Variants in SAFB observed in about 807,000 individuals in gnomAD.
SAFB encodes scaffold attachment factor B1.
SAFB carries 15 observed loss-of-function variants against 101.6 expected under a neutral mutation model. The ratio of observed to expected loss-of-function variants is 0.15; its 90% CI spans 0.10 to 0.23. The LOEUF (loss-of-function observed/expected upper bound fraction) is 0.23. SAFB is among the 10% of genes least tolerant of loss of function. The pLI, the probability that SAFB is intolerant of heterozygous loss-of-function variation, is 1.00. For missense variants in SAFB, 930 were observed against 1,104.1 expected, an observed-to-expected ratio of 0.84 and a Z score of 2.23; for synonymous variants, 449 against 407.5, an observed-to-expected ratio of 1.10 and a Z score of -1.23.
intron 17 of SAFB, 150 bp downstream of exon 17, chr19:5,664,589 A>G (rs1300929817): frequency 1.5e-6 from 1 of 655,506 alleles, no homozygotes; most frequent in Non-Finnish European, 2.7e-6. Context: ...GGTTTGTGGA[A>G]TGGAAATTTG....
intron 15 of SAFB, among the ~76,000 whole-genome samples, chr19:5,662,704 G>C (rs374870181): frequency 6.7e-6 from 1 of 149,126 alleles, no homozygotes; most frequent in Non-Finnish European, 1.5e-5. Flanking sequence ...GCAATGGCGC[G>C]ATCGCTGCTC....
intron 5 of SAFB, among the ~76,000 whole-genome samples, chr19:5,646,000 AG>A (rs1205882117): frequency 1.3e-5 from 2 of 152,114 alleles, no homozygotes; most frequent in African/African-American, 2.4e-5. Flanking sequence ...AGAACAGATG[AG>A]TTGAGAATTT....
At chr19:5,642,654 T>TC (rs1568260467) in intron 4 of SAFB, among the ~76,000 whole-genome samples, 1 of 111,482 alleles carries the variant, frequency 9.0e-6, no homozygotes, top group African/African-American at 3.3e-5. Flanking sequence ...TTCCTTTCTT[T>TC]TTTTTTTTTT....
intron 2 of SAFB, among the ~76,000 whole-genome samples, chr19:5,641,192 T>TA (rs1212512025): frequency 6.6e-6 from 1 of 152,198 alleles, no homozygotes; most frequent in East Asian, 1.9e-4. Context: ...TTTTAAGCAT[T>TA]AAAAATGTGC....
intron 2 of SAFB, 144 bp from the exon 3 acceptor site, chr19:5,641,450 C>T (rs969974947): frequency 7.3e-6 from 5 of 680,458 alleles, no homozygotes; most frequent in Non-Finnish European, 1.1e-5. Flanking sequence ...GCGGAATGGC[C>T]TCATTCCTGG....
At chr19:5,643,713 C>T (rs1040543604) in intron 4 of SAFB, among the ~76,000 whole-genome samples, 2 of 151,978 alleles carry the variant, frequency 1.3e-5, no homozygotes, top group Non-Finnish European at 2.9e-5. Flanking sequence ...GGTGCGGTGG[C>T]TTGGCTGGGC....
rs1233825873 is a variant in SAFB at position 5,668,414 on chromosome 19, AT to A, written c.*126del. ...CATATTGTAGCTCAATACAATGTGA[AT>A]TTGTTTTTCGTTTTGGGGTTTTTTT... On this transcript the variant is annotated 3_prime_UTR_variant, in exon 21 of 21. Transcript: ENST00000588852. 19 of 1,122,470 alleles carry A rather than the reference AT, an allele frequency of 1.7e-5. No homozygotes were observed. The highest frequency in any genetic ancestry group is 2.3e-5 in the Non-Finnish European group (19 of 822,910). 69.5% of individuals were successfully genotyped at this position (1,122,470 alleles called of 1,614,324 possible). A position where few individuals can be genotyped will look rare whatever the true frequency, so the allele number is the denominator to read the frequency against.
In SAFB at chr19:5,667,783, C is replaced by T. The variant is rs750538893; in HGVS notation, c.2558-37C>T. 6.2e-6 allele frequency: 10 copies of T among 1,609,690 alleles called. No individual in the cohort carries two copies. The highest frequency in any genetic ancestry group is 1.1e-5 in the South Asian group (1 of 90,904). ...TGTGCCGTGGGTTCCACGCCGTGTGCGCAAGTTCCCTGTGTGAAAGCACGT... is the reference window on the plus strand; with the variant it reads ...TGTGCCGTGGGTTCCACGCCGTGTGTGCAAGTTCCCTGTGTGAAAGCACGT... On this transcript the variant is annotated intron_variant, in intron 19 of 20. Transcript: ENST00000588852. This position sits in a 1 kb window ranked among gnomAD's most constrained non-coding sequence, Gnocchi z 4.0.
chr19:5,654,206 C>G lies in SAFB; in HGVS notation c.1666+6C>G. 6.2e-7 allele frequency: 1 copy of G among 1,614,098 alleles called. No individual in the cohort carries two copies. Among genetic ancestry groups the G allele is most frequent in the Non-Finnish European group, 8.5e-7 (1 of 1,179,980 alleles). ...ATCTCGAGCCACAAAGTCAGGTGGG[C>G]AGCTCATGAGCCCAGGAGATTCTGT... On this transcript the variant is annotated splice_donor_region_variant and intron_variant, in intron 12 of 20. Coordinates refer to ENST00000588852, the MANE Select transcript of SAFB (RefSeq NM_001201338.2).
At chr19:5,654,579 A>G in intron 13 of SAFB, 123 bp downstream of exon 13, 2 of 720,740 alleles carry the variant, frequency 2.8e-6, no homozygotes, top group African/African-American at 1.8e-5. Flanking sequence ...TCGAAAATGT[A>G]GAAATCTCAA....
chr19:5,663,386 G>A (rs576481842), intron 15 of SAFB, among the ~76,000 whole-genome samples: 11 of 152,372 alleles, frequency 7.2e-5, no homozygotes, highest in African/African-American at 2.4e-4. Flanking sequence ...GGAGTCAGGT[G>A]TGTAATTCCA....
intron 2 of SAFB, among the ~76,000 whole-genome samples, chr19:5,636,174 C>A (rs1020177408): frequency 5.3e-5 from 8 of 151,924 alleles, no homozygotes; most frequent in African/African-American, 1.9e-4. Context: ...AGTGGAAAAC[C>A]CTGATTCTGT....
Position 5,649,003 on chromosome 19 carries a change from C to G in SAFB, c.652C>G (p.Leu218Val). Reference sequence around the variant, plus strand: ...TAAATCCGTAGAAAATGAGAAAATACTCGACATTTTGGGGGAAACTTGTAA... The same window carrying G: ...TAAATCCGTAGAAAATGAGAAAATAGTCGACATTTTGGGGGAAACTTGTAA... The part of the protein sequence containing the change: ...PSLEPENEKI[L>V]DILGETCKSE... Residue 218 changes from leucine (L) to valine (V), a missense_variant, in exon 7 of 21, where the codon CTC becomes GTC. Physicochemically the swap from Leu to Val is conservative, Grantham distance 32. Coordinates refer to ENST00000588852, the MANE Select transcript of SAFB (RefSeq NM_001201338.2). 2.1e-6 allele frequency: 1 copy of G among 476,910 alleles called. No homozygotes were observed. Among genetic ancestry groups the G allele is most frequent in the Non-Finnish European group, 3.8e-6 (1 of 265,618 alleles). The allele number at this position is 476,910 out of a possible 1,614,324, so 29.5% of individuals were successfully genotyped here.
Position 5,638,815 on chromosome 19 carries a change from G to A in SAFB, c.275-2779G>A, listed in dbSNP as rs572583279. On this transcript the variant is annotated intron_variant, in intron 2 of 20. Transcript: ENST00000588852. The stretch of plus-strand genomic sequence containing the variant: ...CGCCTCATTGCAATTTCCACTTCCC[G>A]GGTTCAAGCGATTCTCCTGCCTCAT... 5.4e-5 allele frequency among the ~76,000 whole-genome samples: 8 copies of A among 149,086 alleles called. No homozygotes were observed. In the South Asian group the frequency reaches 1.5e-3, roughly 28 times the overall value.
Position 5,641,829 on chromosome 19 carries a change from C to T in SAFB, c.429C>T (p.Ser143=), listed in dbSNP as rs137931208. The change falls in exon 4 of 21, where the codon AGC becomes AGT. Residue 143 remains serine (S), a synonymous_variant. Transcript: ENST00000588852. The part of the protein sequence containing the change: ...VLDEAEIDNG[S]VADCVEDDDA... ...ATGAAGCAGAAATTGATAATGGAAG[C>T]GTTGCAGATTGTGTCGAAGACGATG... 1.2e-5 allele frequency: 19 copies of T among 1,613,824 alleles called. No homozygotes were observed. Among genetic ancestry groups the T allele is most frequent in the African/African-American group, 1.1e-4 (8 of 74,892 alleles).
At chr19:5,648,494 GA>G in intron 6 of SAFB, 1 of 281,474 alleles carries the variant, frequency 3.6e-6, no homozygotes, top group East Asian at 1.0e-4. Flanking sequence ...TCCAGAAGAG[GA>G]AAGAGTGTCT....
At chr19:5,661,246 T>C (rs942964028) in intron 14 of SAFB, among the ~76,000 whole-genome samples, 1 of 152,098 alleles carries the variant, frequency 6.6e-6, no homozygotes, top group Admixed American at 6.5e-5. Flanking sequence ...ACTGGCTGTT[T>C]CCTGAAATCA....
In SAFB at chr19:5,655,392, C is replaced by T. The variant is rs984411847; in HGVS notation, c.1755+936C>T. ...AGAATGCCACTTAAACCTGGGAGGT[C>T]AAGACTGTAGTGAGCCACGTTCATT... On this transcript the variant is annotated intron_variant, in intron 13 of 20. Coordinates refer to ENST00000588852, the MANE Select transcript of SAFB (RefSeq NM_001201338.2). 6.9e-4 allele frequency among the ~76,000 whole-genome samples: 97 copies of T among 140,156 alleles called. 7 individuals are homozygous for T. The allele number at this position is 140,156 out of a possible 152,430, so 91.9% of individuals were successfully genotyped here.
In SAFB at chr19:5,623,517, C is replaced by G. The variant is rs1054306094; in HGVS notation, c.189+123C>G. 4 of 765,996 alleles carry G rather than the reference C, an allele frequency of 5.2e-6. No homozygotes were observed. In the African/African-American group the frequency reaches 7.5e-5, roughly 14 times the overall value. The allele number at this position is 765,996 out of a possible 1,614,324, so 47.4% of individuals were successfully genotyped here. On this transcript the variant is annotated intron_variant, in intron 1 of 20. Coordinates refer to ENST00000588852, the MANE Select transcript of SAFB (RefSeq NM_001201338.2). ...TCGCGGCCTCGCCGGACCTGGCGCT[C>G]TCGCGTCCCCCGGCTCCTCCGAGGC...
Sources: gnomAD v4.1 joint callset for allele counts (sites outside exome capture counted in the v4.1 genomes callset) on GRCh38, gnomAD v4.1.1 for gene constraint, Gnocchi (gnomAD v3.1) non-coding constraint, MANE v1.5 for transcripts, NCBI Gene and HGNC (gene_info 2026-07-23, HGNC 2026-07-21) for gene names.